The following KDM5A variants were observed in gnomAD, a reference collection of about 807,000 sequenced individuals.
KDM5A encodes the protein lysine-specific demethylase 5A.
Under a neutral mutation model 193.5 loss-of-function variants are expected in KDM5A, and 42 were observed. The ratio of observed to expected loss-of-function variants is 0.22; its 90% confidence interval spans 0.17 to 0.28. The LOEUF (loss-of-function observed/expected upper bound fraction) is 0.28, where lower values mean the gene tolerates loss of function less well. Among genes scored for constraint, KDM5A ranks in the 10% least tolerant of loss-of-function variants. KDM5A has a pLI of 1.00. For missense variants in KDM5A, 1,692 were observed against 2,055.1 expected (o/e 0.82, Z 3.42); for synonymous variants, 796 against 718.1 (o/e 1.11, Z -1.73).
chr12:305,982 T>TGTTTTG (rs201379572), intron 24 of KDM5A, among the ~76,000 whole-genome samples: 1 of 149,030 alleles, frequency 6.7e-6, no homozygotes, highest in South Asian at 2.2e-4. Flanking sequence ...TTTTTTTTTT[T>TGTTTTG]TTTTTTTTTG....
chr12:367,569 G>A (rs545936811), intron 3 of KDM5A, among the ~76,000 whole-genome samples: 3 of 152,202 alleles, frequency 2.0e-5, no homozygotes, highest in Non-Finnish European at 4.4e-5. Context: ...AGACGTGGTG[G>A]TGCACACCTA....
At position 388,994 on chromosome 12, in the gene KDM5A, A is replaced by G. The variant is rs745368888; in HGVS notation, c.98T>C (p.Leu33Pro). ...EPSWEEFTDP[L>P]SFIGRIRPLA... is the part of the protein sequence containing the mutation. ...AGGCCGGATGCGGCCGATAAAGCTG[A>G]GCGGATCTGTGAACTCCTCCCAACT... Residue 33 changes from leucine to proline, a missense_variant, in exon 1 of 28, where the codon CTC becomes CCC. Leu to Pro is a moderately conservative substitution (Grantham distance 98). This residue lies in a region of KDM5A where 84 missense variants were observed against 68.2 expected (regional missense o/e 1.23). Coordinates refer to ENST00000399788, the MANE Select transcript of KDM5A (RefSeq NM_001042603.3). 3 of 1,613,196 alleles carry G rather than the reference A, an allele frequency of 1.9e-6. No homozygotes were observed. The highest frequency in any genetic ancestry group is 1.7e-5 in the Admixed American group (1 of 59,926).
At chr12:381,675 A>T (rs981710406) in intron 3 of KDM5A, among the ~76,000 whole-genome samples, 1 of 152,140 alleles carries the variant, frequency 6.6e-6, no homozygotes, top group Non-Finnish European at 1.5e-5. Flanking sequence ...ACTTACTAAC[A>T]TCATTACCTG....
At chr12:374,813 T>C (rs1430507427) in intron 3 of KDM5A, among the ~76,000 whole-genome samples, 2 of 152,218 alleles carry the variant, frequency 1.3e-5, no homozygotes, top group Non-Finnish European at 1.5e-5. Flanking sequence ...TAAAGGATTA[T>C]ATTTCTCCTT....
In KDM5A at chr12:283,232, A is replaced by T. The variant is rs1464461694; in HGVS notation, c.*2224T>A. ...AAATATCTGAAGACTGTTACAAAGA[A>T]GATCAACAGGCAAAAAATATTGTGC... On this transcript the variant is annotated 3_prime_UTR_variant, in exon 28 of 28. Transcript: ENST00000399788. 4.3e-6 allele frequency: 1 copy of T among 231,538 alleles called. No homozygotes were observed. Among genetic ancestry groups the T allele is most frequent in the Non-Finnish European group, 8.6e-6 (1 of 116,824 alleles). The allele number at this position is 231,538 out of a possible 1,614,324, so 14.3% of individuals were successfully genotyped here. A position where few individuals can be genotyped will look rare whatever the true frequency, so the allele number is the denominator to read the frequency against.
chr12:341,911 A>AG (rs556569307), intron 10 of KDM5A, among the ~76,000 whole-genome samples: 2,010 of 143,322 alleles, frequency 0.014, 47 homozygotes, highest in African/African-American at 0.048. Flanking sequence ...AAAAAAAAAA[A>AG]AGAGAGAGAG....
At chr12:308,382 T>C (rs1348429690) in intron 22 of KDM5A, among the ~76,000 whole-genome samples, 2 of 152,218 alleles carry the variant, frequency 1.3e-5, no homozygotes, top group Admixed American at 1.3e-4. Flanking sequence ...TTTGCTGTTT[T>C]ACGGATTAAA....
intron 12 of KDM5A, 146 bp downstream of exon 12, chr12:333,341 C>T: frequency 1.2e-6 from 1 of 825,914 alleles, no homozygotes; most frequent in South Asian, 1.5e-5. Flanking sequence ...ACTGCTTGAG[C>T]TGAGCAGGCT....
chr12:306,532 C>G (rs1479300567), intron 24 of KDM5A, among the ~76,000 whole-genome samples: 1 of 152,082 alleles, frequency 6.6e-6, no homozygotes, highest in Admixed American at 6.5e-5. Flanking sequence ...CACTTCAGGT[C>G]AGGAGTTCAA....
Position 389,266 on chromosome 12 carries a change from C to T in KDM5A, c.-175G>A, listed in dbSNP as rs1470116197. 3 of 736,750 alleles carry T rather than the reference C, an allele frequency of 4.1e-6. No homozygotes were observed. The highest frequency in any genetic ancestry group is 2.6e-5 in the East Asian group (1 of 37,800). 45.6% of individuals were successfully genotyped at this position (736,750 alleles called of 1,614,324 possible). A position where few individuals can be genotyped will look rare whatever the true frequency, so the allele number is the denominator to read the frequency against. On this transcript the variant is annotated 5_prime_UTR_variant, in exon 1 of 28. Transcript: ENST00000399788. The stretch of plus-strand genomic sequence containing the variant: ...TTCCTCCTCCCGTTTGTTATTGTTT[C>T]TTGCAAGGCTTTTCCACTGAGGTTC...
rs1423235197 is a variant in KDM5A at position 382,123 on chromosome 12, GT to G, written c.366+1907del. On this transcript the variant is annotated intron_variant, in intron 3 of 27. Coordinates refer to ENST00000399788, the MANE Select transcript of KDM5A (RefSeq NM_001042603.3). ...ACCACATGCCACGAATTATTCTCAT[GT>G]TTTTCCTTACAAGTGAAATCTTCCT... Among the ~76,000 whole-genome samples, 6 of 152,234 alleles carry G rather than the reference GT, an allele frequency of 3.9e-5. No homozygotes were observed. In the East Asian group the frequency reaches 1.2e-3, roughly 29 times the overall value.
chr12:304,058 T>C (rs1336258360), intron 24 of KDM5A, among the ~76,000 whole-genome samples: 1 of 152,196 alleles, frequency 6.6e-6, no homozygotes, highest in Non-Finnish European at 1.5e-5. Context: ...CCTTGCAATG[T>C]TAAGTGAGCT....
chr12:357,176 G>C (rs1489014229), intron 5 of KDM5A, among the ~76,000 whole-genome samples: 1 of 152,128 alleles, frequency 6.6e-6, no homozygotes, highest in East Asian at 1.9e-4. Flanking sequence ...AGCTACTTGG[G>C]AGGCTGAGGC....
chr12:379,479 G>A (rs1591941761), intron 3 of KDM5A, among the ~76,000 whole-genome samples: 1 of 134,712 alleles, frequency 7.4e-6, no homozygotes, highest in African/African-American at 2.8e-5. Context: ...GTACACATAT[G>A]AAAATTTATT....
At chr12:352,441 C>T in intron 8 of KDM5A, 117 bp from the exon 9 acceptor site, 1 of 878,090 alleles carries the variant, frequency 1.1e-6, no homozygotes, top group Non-Finnish European at 1.9e-6. Context: ...CCAGTCAACC[C>T]TAGACAACAA....
Position 334,393 on chromosome 12 carries a change from A to G in KDM5A, c.1338T>C (p.Asn446=), listed in dbSNP as rs764192749. 11 of 1,614,038 alleles carry G rather than the reference A, an allele frequency of 6.8e-6. No individual in the cohort carries two copies. Among genetic ancestry groups the G allele is most frequent in the Non-Finnish European group, 8.5e-6 (10 of 1,179,914 alleles). ...EEYALSGWNL[N]NMPVLEQSVL... is the part of the protein sequence containing the mutation. ...CAGACTGTTCCAGGACAGGCATGTT[A>G]TTCAAATTCCAACCAGAAAGTGCAT... Residue 446 remains asparagine (N), a synonymous_variant, in exon 11 of 28, where the codon AAT becomes AAC. Coordinates refer to ENST00000399788, the MANE Select transcript of KDM5A (RefSeq NM_001042603.3).
At chr12:315,862 G>C (rs1367768305) in intron 19 of KDM5A, among the ~76,000 whole-genome samples, 1 of 152,210 alleles carries the variant, frequency 6.6e-6, no homozygotes, top group Non-Finnish European at 1.5e-5. Context: ...GTATCTGTGG[G>C]ACATCCGCCT....
intron 3 of KDM5A, among the ~76,000 whole-genome samples, chr12:366,448 T>TA (rs550354543): frequency 6.6e-6 from 1 of 151,696 alleles, no homozygotes; most frequent in African/African-American, 2.4e-5. Flanking sequence ...TAAAAACAGA[T>TA]AAAAAATAGA....
chr12:299,371 A>G (rs550576055), intron 24 of KDM5A, among the ~76,000 whole-genome samples: 5 of 152,288 alleles, frequency 3.3e-5, no homozygotes, highest in Admixed American at 1.3e-4. Context: ...CTACAAGCCA[A>G]AAGAGAGTGG....
Sources: allele counts gnomAD v4.1 joint callset (sites outside exome capture counted in the v4.1 genomes callset), GRCh38; gene constraint gnomAD v4.1.1; regional missense constraint gnomAD v4.1.1; transcripts MANE v1.5; gene names NCBI Gene and HGNC (gene_info 2026-07-23, HGNC 2026-07-21).